The following TBX1 variants were observed in gnomAD, a reference collection of about 807,000 sequenced individuals.
TBX1 encodes the protein T-box transcription factor 1.
In TBX1, 16 loss-of-function variants were observed where a neutral mutation model predicts 40.8. That is an observed-to-expected ratio of 0.39 (90% CI 0.27 to 0.60). The LOEUF is 0.60. Ranked by LOEUF, TBX1 falls within the 20% of genes least tolerant of loss-of-function variation. The pLI is 0.51. For synonymous variants in TBX1, 403 were observed against 336.8 expected, an observed-to-expected ratio of 1.20 and a Z score of -2.15; for missense variants, 755 against 728.5, an observed-to-expected ratio of 1.04 and a Z score of -0.42.
chr22:19,779,944 C>T (rs41298016), downstream of TBX1, among the ~76,000 whole-genome samples: 71 of 150,314 alleles, frequency 4.7e-4, 1 homozygote, highest in East Asian at 0.014. Context: ...GCCTGACTGC[C>T]CCCTCAGGCT....
At chr22:19,778,775 T>G (rs374012033) in intron 8 of TBX1, among the ~76,000 whole-genome samples, 24 of 152,142 alleles carry the variant, frequency 1.6e-4, no homozygotes, top group African/African-American at 5.8e-4. Context: ...AAAAGTTAGC[T>G]GGACGTGGCG....
chr22:19,765,937 T>G lies in TBX1; in HGVS notation c.971T>G (p.Met324Arg). The G allele has an allele frequency of 3.9e-6, 6 of 1,527,530 alleles. No individual in the cohort carries two copies. Among genetic ancestry groups the G allele is most frequent in the East Asian group, 2.6e-5 (1 of 38,256 alleles). 94.6% of individuals were successfully genotyped at this position (1,527,530 alleles called of 1,614,324 possible). ...CACCGGCCCGGCGCACTGCCGCTCA[T>G]GAGCGCCTTCGCGCGCTCGCGGAAC... ...RNHRPGALPLMSAFARSRNPV... is the reference protein window; with the variant it reads ...RNHRPGALPLRSAFARSRNPV... The change falls in exon 6 of 7, where the codon ATG becomes AGG. Residue 324 changes from methionine to arginine, a missense_variant. Coordinates refer to ENST00000649276, the MANE Select transcript of TBX1 (RefSeq NM_001379200.1).
intron 6 of TBX1, 92 bp downstream of exon 6, chr22:19,766,094 G>C: frequency 8.8e-7 from 1 of 1,134,500 alleles, no homozygotes; most frequent in Non-Finnish European, 1.1e-6. Flanking sequence ...CGCCCCCGGG[G>C]CGCTCCAGGC....
upstream of TBX1, chr22:19,759,680 G>A (rs1936578464): frequency 6.2e-7 from 1 of 1,612,282 alleles, no homozygotes; most frequent in South Asian, 1.1e-5. Context: ...CATGGAAGGT[G>A]AGCCTCCAGG....
chr22:19,776,965 C>T (rs41297824), intron 8 of TBX1, among the ~76,000 whole-genome samples: 2,278 of 152,122 alleles, frequency 0.015, 29 homozygotes, highest in African/African-American at 0.045. Context: ...GGCCAGCACA[C>T]GGGGTGGGAG....
rs1936879213 is a variant in TBX1 at position 19,766,884 on chromosome 22, C to T, written c.*17C>T. 1.3e-6 allele frequency: 2 copies of T among 1,584,050 alleles called. No homozygotes were observed. Among genetic ancestry groups the T allele is most frequent in the South Asian group, 1.1e-5 (1 of 89,394 alleles). ...CCCAGATAACACGGGCCCTGTCGCGCTCCCGCCCCGGTCCTGCACAGCCCC... is the reference window on the plus strand; with the variant it reads ...CCCAGATAACACGGGCCCTGTCGCGTTCCCGCCCCGGTCCTGCACAGCCCC... On this transcript the variant is annotated 3_prime_UTR_variant, in exon 7 of 7. Coordinates refer to ENST00000649276, the MANE Select transcript of TBX1 (RefSeq NM_001379200.1).
chr22:19,771,830 T>C (rs763362840), downstream of TBX1, among the ~76,000 whole-genome samples: 72 of 152,252 alleles, frequency 4.7e-4, no homozygotes, highest in Non-Finnish European at 8.7e-4. Flanking sequence ...GAAACCATGG[T>C]GCAGTGGCAG....
upstream of TBX1, among the ~76,000 whole-genome samples, chr22:19,758,577 C>T (rs993933163): frequency 6.6e-6 from 1 of 152,194 alleles, no homozygotes; most frequent in African/African-American, 2.4e-5. Context: ...AGGCTGGCTG[C>T]TGGGTGCCGG....
At chr22:19,782,957 G>A (rs375794471), downstream of TBX1, 47 of 1,556,168 alleles carry the variant, frequency 3.0e-5, no homozygotes, top group South Asian at 7.8e-5. Context: ...CTTGCTGGAC[G>A]TGCTCTTGAA....
intron 1 of TBX1, among the ~76,000 whole-genome samples, chr22:19,761,573 C>G (rs1374403851): frequency 6.6e-6 from 1 of 151,862 alleles, no homozygotes; most frequent in African/African-American, 2.4e-5. Context: ...GCCCCGCAGC[C>G]CCAGGACGCC....
chr22:19,759,144 G>C (rs1936556246), upstream of TBX1, among the ~76,000 whole-genome samples: 2 of 152,238 alleles, frequency 1.3e-5, no homozygotes, highest in South Asian at 4.1e-4. Flanking sequence ...GGGGGCTGTA[G>C]AAGCTGACGG....
chr22:19,765,041 CGAG>C lies in TBX1; in HGVS notation c.799_801del (p.Glu267del). On this transcript the variant is annotated inframe_deletion, in exon 4 of 7. Coordinates refer to ENST00000649276, the MANE Select transcript of TBX1 (RefSeq NM_001379200.1). Reference sequence around the variant, plus strand: ...CACGCAAAGATAGCGAGAAATATGCCGAGGAGAACTTCAAAACCTTTGTGTTCG... The same window carrying C: ...CACGCAAAGATAGCGAGAAATATGCCGAGAACTTCAAAACCTTTGTGTTCG... 6.2e-7 allele frequency: 1 copy of C among 1,614,180 alleles called. No homozygotes were observed. The highest frequency in any genetic ancestry group is 1.3e-5 in the African/African-American group (1 of 75,052).
downstream of TBX1, among the ~76,000 whole-genome samples, chr22:19,779,907 G>C (rs1369312002): frequency 6.6e-6 from 1 of 151,680 alleles, no homozygotes; most frequent in African/African-American, 2.4e-5. Flanking sequence ...AGGCACCACG[G>C]TGAGGCCAAG....
Position 19,760,789 on chromosome 22 carries a change from G to C in TBX1, c.-55G>C, listed in dbSNP as rs72646951. 0.086 allele frequency: 46,288 copies of C among 537,618 alleles called. 2,645 individuals carry two copies. Among genetic ancestry groups the C allele is most frequent in the African/African-American group, 0.22 (9,663 of 44,928 alleles). The allele number at this position is 537,618 out of a possible 1,614,324, so 33.3% of individuals were successfully genotyped here. Reference sequence around the variant, plus strand: ...GCGCGGCGCCCGCCACTCGGCCCGCGGCGCGGGGCAGCGCTCAGCTTGGTG... The same window carrying C: ...GCGCGGCGCCCGCCACTCGGCCCGCCGCGCGGGGCAGCGCTCAGCTTGGTG... On this transcript the variant is annotated 5_prime_UTR_variant, in exon 1 of 7. Coordinates refer to ENST00000649276, the MANE Select transcript of TBX1 (RefSeq NM_001379200.1).
upstream of TBX1, chr22:19,759,799 C>G (rs1181745820): frequency 2.8e-5 from 33 of 1,189,428 alleles, no homozygotes; most frequent in Non-Finnish European, 4.0e-5. Flanking sequence ...AGGCTTCTGG[C>G]TGCGATTCTG....
At position 19,766,453 on chromosome 22, in the gene TBX1, G is replaced by A. The variant is rs1010293843; in HGVS notation, c.1101G>A (p.Pro367=). ...DAGGPAVLGD[P]AHPPQLLARV... is the part of the protein sequence containing the mutation. ...GCGGGCCAGCAGTGCTCGGGGACCC[G>A]GCGCATCCTCCGCAGCTGCTGGCCC... Residue 367 remains proline, a synonymous_variant, in exon 7 of 7, where the codon CCG becomes CCA. Coordinates refer to ENST00000649276, the MANE Select transcript of TBX1 (RefSeq NM_001379200.1). 78 of 1,334,378 alleles carry A rather than the reference G, an allele frequency of 5.8e-5. No homozygotes were observed. The highest frequency in any genetic ancestry group is 7.7e-5 in the African/African-American group (5 of 64,848). The allele number at this position is 1,334,378 out of a possible 1,614,324, so 82.7% of individuals were successfully genotyped here.
At chr22:19,767,483 C>T (rs41299348), downstream of TBX1, 13,216 of 709,324 alleles carry the variant, frequency 0.019, 212 homozygotes, top group South Asian at 0.067. Context: ...AGCGCCCTGT[C>T]CGCCACGCCT....
At chr22:19,771,714 C>G (rs1264942558), downstream of TBX1, among the ~76,000 whole-genome samples, 2 of 152,194 alleles carry the variant, frequency 1.3e-5, no homozygotes, top group South Asian at 2.1e-4. Context: ...TTCACCAGTT[C>G]TGAGGTGCAC....
At chr22:19,775,676 C>T (rs972702688) in intron 8 of TBX1, among the ~76,000 whole-genome samples, 5 of 152,142 alleles carry the variant, frequency 3.3e-5, no homozygotes, top group South Asian at 2.1e-4. Flanking sequence ...GCTGCTGTGG[C>T]GAGGTCTTCC....
Sources: gnomAD v4.1 joint callset for allele counts (sites outside exome capture counted in the v4.1 genomes callset) on GRCh38, gnomAD v4.1.1 for gene constraint, MANE v1.5 for transcripts, NCBI Gene and HGNC (gene_info 2026-07-23, HGNC 2026-07-21) for gene names.